The following ADCY3 variants were observed in gnomAD, a reference collection of about 807,000 sequenced individuals.
ADCY3 encodes adenylate cyclase type 3.
ADCY3 carries 70 observed loss-of-function variants against 119.4 expected under a neutral mutation model. The ratio of observed to expected loss-of-function variants is 0.59; its 90% CI spans 0.48 to 0.72. ADCY3 has a LOEUF of 0.72. ADCY3 is among the 30% of genes least tolerant of loss of function. ADCY3 has a pLI of 0.00. For synonymous variants in ADCY3, 672 were observed against 621.4 expected, an observed-to-expected ratio of 1.08 and a Z score of -1.21; for missense variants, 1,238 against 1,541.6, an observed-to-expected ratio of 0.80 and a Z score of 3.30.
intron 3 of ADCY3, among the ~76,000 whole-genome samples, chr2:24,863,199 G>T (rs909772410): frequency 6.6e-6 from 1 of 152,204 alleles, no homozygotes; most frequent in Non-Finnish European, 1.5e-5. Context: ...TGCCAAAGGA[G>T]TTTAACATTT....
chr2:24,825,125 G>A (rs1004199666), intron 16 of ADCY3, among the ~76,000 whole-genome samples: 3 of 152,098 alleles, frequency 2.0e-5, no homozygotes, highest in African/African-American at 4.8e-5. Flanking sequence ...TCGTGGAGGT[G>A]GCAGCAGTGG....
chr2:24,866,661 G>C (rs560839206), intron 3 of ADCY3, among the ~76,000 whole-genome samples: 1 of 150,684 alleles, frequency 6.6e-6, no homozygotes, highest in East Asian at 1.9e-4. Context: ...ATGGTTGTCA[G>C]TCAGGAACTT....
chr2:24,822,314 T>C (rs1265803659), intron 19 of ADCY3, 197 bp downstream of exon 19: 1 of 693,986 alleles, frequency 1.4e-6, no homozygotes. Context: ...AGCAGGGGGT[T>C]GTGTGTCTGT....
chr2:24,831,548 G>A, intron 12 of ADCY3, 114 bp downstream of exon 12: 1 of 829,618 alleles, frequency 1.2e-6, no homozygotes, highest in Non-Finnish European at 2.0e-6. Flanking sequence ...TCCTAACAGA[G>A]GAGTGTCTGC....
chr2:24,853,006 GTGTGTGTGTGTGT>G (rs1243117572), intron 3 of ADCY3, among the ~76,000 whole-genome samples: 3 of 85,526 alleles, frequency 3.5e-5, no homozygotes, highest in East Asian at 7.2e-4. Context: ...CAGCTGGAGG[GTGTGTGTGTGTGT>G]GTGTGTGTGT....
At chr2:24,860,838 C>T (rs780361007) in intron 3 of ADCY3, among the ~76,000 whole-genome samples, 6 of 152,274 alleles carry the variant, frequency 3.9e-5, no homozygotes, top group Non-Finnish European at 8.8e-5. Context: ...GTCACCAGCG[C>T]ATCCCTACAC....
chr2:24,905,952 T>C (rs1465747163), intron 2 of ADCY3, among the ~76,000 whole-genome samples: 1 of 151,706 alleles, frequency 6.6e-6, no homozygotes, highest in Non-Finnish European at 1.5e-5. Context: ...CCACCCGGGG[T>C]GAGGGTCGAC....
At chr2:24,893,886 G>A (rs1303024369) in intron 2 of ADCY3, among the ~76,000 whole-genome samples, 2 of 152,162 alleles carry the variant, frequency 1.3e-5, no homozygotes, top group East Asian at 1.9e-4. Context: ...TTACAAGCGT[G>A]AGCCACTGCC....
chr2:24,859,338 G>A (rs77994977), intron 3 of ADCY3, among the ~76,000 whole-genome samples: 11,162 of 152,194 alleles, frequency 0.073, 476 homozygotes, highest in East Asian at 0.095. Context: ...CACCAGCTTC[G>A]TCTCCTCTTC....
chr2:24,876,196 C>T lies in ADCY3; in HGVS notation c.676-3477G>A, dbSNP rs138019103. ...GTAGAGATGGGGTCTTGCTATATTG[C>T]CCAGGCTAGTCTTGAACTCCTGGGC... On this transcript the variant is annotated intron_variant, in intron 2 of 21. Coordinates refer to ENST00000679454, the MANE Select transcript of ADCY3 (RefSeq NM_004036.5). Among the ~76,000 whole-genome samples the T allele has an allele frequency of 2.0e-3, 303 of 152,306 alleles. 1 individual carries two copies. Among genetic ancestry groups the T allele is most frequent in the Admixed American group, 4.3e-3 (66 of 15,300 alleles).
Position 24,833,836 on chromosome 2 carries a change from G to T in ADCY3, c.1967+649C>A, listed in dbSNP as rs554710006. Among the ~76,000 whole-genome samples, 4 of 152,374 alleles carry T rather than the reference G, an allele frequency of 2.6e-5. No individual in the cohort carries two copies. The East Asian group carries it at 7.7e-4, about 29-fold the overall frequency. On this transcript the variant is annotated intron_variant, in intron 11 of 21. Coordinates refer to ENST00000679454, the MANE Select transcript of ADCY3 (RefSeq NM_004036.5). The stretch of plus-strand genomic sequence containing the variant: ...CGGAGCCTGCAGTGGCCTGCACGTG[G>T]TCACACACCCGCAACCTTAGATAGT...
At chr2:24,845,624 T>A (rs1009483700) in intron 3 of ADCY3, among the ~76,000 whole-genome samples, 5 of 152,170 alleles carry the variant, frequency 3.3e-5, no homozygotes, top group African/African-American at 7.2e-5. Flanking sequence ...ATTTGGAAAA[T>A]TTGCAGCCTG....
At chr2:24,917,852 A>ACAAC (rs1261237167) in intron 2 of ADCY3, among the ~76,000 whole-genome samples, 1 of 152,186 alleles carries the variant, frequency 6.6e-6, no homozygotes, top group Non-Finnish European at 1.5e-5. Context: ...AATCCTGACA[A>ACAAC]CAACCGTGTC....
At chr2:24,885,683 C>T (rs1312569049) in intron 2 of ADCY3, among the ~76,000 whole-genome samples, 1 of 152,226 alleles carries the variant, frequency 6.6e-6, no homozygotes, top group Non-Finnish European at 1.5e-5. Context: ...CTGGTCCTGC[C>T]AATCCACCCT....
chr2:24,896,681 C>T (rs1353027334), intron 2 of ADCY3, among the ~76,000 whole-genome samples: 2 of 152,034 alleles, frequency 1.3e-5, no homozygotes, highest in East Asian at 3.9e-4. Flanking sequence ...ACAGGGTTGC[C>T]CTGTGCATGA....
At chr2:24,859,686 G>A (rs571258387) in intron 3 of ADCY3, among the ~76,000 whole-genome samples, 3 of 152,304 alleles carry the variant, frequency 2.0e-5, no homozygotes, top group East Asian at 3.9e-4. Flanking sequence ...TGACGCTTGT[G>A]GTCAATGGGC....
chr2:24,822,656 T>C, intron 18 of ADCY3, 26 bp from the exon 19 acceptor site: 2 of 1,612,314 alleles, frequency 1.2e-6, no homozygotes, highest in South Asian at 2.2e-5. Flanking sequence ...AGGAAAGAAT[T>C]GTCAGCAGTC....
In ADCY3 at chr2:24,819,928, C is replaced by A; in HGVS notation, c.*4G>T. The A allele has an allele frequency of 1.2e-6, 2 of 1,613,134 alleles. No homozygotes were observed. The highest frequency in any genetic ancestry group is 1.7e-6 in the Non-Finnish European group (2 of 1,179,654). On this transcript the variant is annotated 3_prime_UTR_variant, in exon 22 of 22. Coordinates refer to ENST00000679454, the MANE Select transcript of ADCY3 (RefSeq NM_004036.5). ...GGTTTGGACTGTTGCAGGCTCGAGG[C>A]CATTCAGGAGTTGTCCACCACCTGG... is the stretch of plus-strand genomic sequence containing the variant.
rs375154724 is a variant in ADCY3, at chr2:24,860,694, C to T, written c.825+11876G>A. 6.6e-5 allele frequency among the ~76,000 whole-genome samples: 10 copies of T among 152,368 alleles called. No homozygotes were observed. The East Asian group carries it at 1.5e-3, about 24-fold the overall frequency. On this transcript the variant is annotated intron_variant, in intron 3 of 21. Coordinates refer to ENST00000679454, the MANE Select transcript of ADCY3 (RefSeq NM_004036.5). ...GAAAGGGATGCCTGTGCTTGAGGGA[C>T]TGTGCCGCCTCACCCTCCTGGACCA...
Sources: allele counts gnomAD v4.1 joint callset (sites outside exome capture counted in the v4.1 genomes callset), GRCh38; gene constraint gnomAD v4.1.1; transcripts MANE v1.5; gene names NCBI Gene and HGNC (gene_info 2026-07-23, HGNC 2026-07-21).